Variants in KIF16B observed in about 807,000 individuals in gnomAD.
KIF16B encodes the protein kinesin-like protein KIF16B.
A neutral mutation model predicts 156.3 loss-of-function variants in KIF16B; 98 were observed. That is an observed-to-expected ratio of 0.63 (90% CI 0.53 to 0.74). The LOEUF is 0.74. KIF16B is among the 30% of genes least tolerant of loss of function. The probability of loss-of-function intolerance (pLI) is 0.00; values close to 1 mark genes in which losing one functional copy is unlikely to be tolerated. For missense variants in KIF16B, 1,421 were observed against 1,606.5 expected, an observed-to-expected ratio of 0.88 and a Z score of 1.97; for synonymous variants, 564 against 583.7, an observed-to-expected ratio of 0.97 and a Z score of 0.49.
At position 16,378,973 on chromosome 20, in the gene KIF16B, G is replaced by A; in HGVS notation, c.3029C>T (p.Ala1010Val). The A allele has an allele frequency of 6.2e-7, 1 of 1,614,088 alleles. No homozygotes were observed. Among genetic ancestry groups the A allele is most frequent in the Non-Finnish European group, 8.5e-7 (1 of 1,179,966 alleles). ...CGCAGAATGTCTCCTCTCCAGCCTGGCCAGGGCCCGCTCCAGCGCCTCTCT... is the reference window on the plus strand; with the variant it reads ...CGCAGAATGTCTCCTCTCCAGCCTGACCAGGGCCCGCTCCAGCGCCTCTCT... ...QQREALERAL[A>V]RLERRHSALQ... is the part of the protein sequence containing the mutation. The change falls in exon 19 of 26, where the codon GCC (alanine) becomes GTC (valine). Residue 1010 changes from alanine to valine, a missense_variant. Coordinates refer to ENST00000354981, the MANE Select transcript of KIF16B (RefSeq NM_024704.5).
At chr20:16,419,040 C>T (rs894938225) in intron 15 of KIF16B, among the ~76,000 whole-genome samples, 1 of 152,092 alleles carries the variant, frequency 6.6e-6, no homozygotes, top group Non-Finnish European at 1.5e-5. Context: ...ACTGCAGGGC[C>T]TGATCCCTAG....
intron 24 of KIF16B, among the ~76,000 whole-genome samples, chr20:16,333,192 T>C (rs2063979121): frequency 6.6e-6 from 1 of 152,144 alleles, no homozygotes; most frequent in Non-Finnish European, 1.5e-5. Context: ...GCCTTTGCAC[T>C]TGCTCTTCCC....
intron 23 of KIF16B, among the ~76,000 whole-genome samples, chr20:16,337,503 T>A (rs1297205060): frequency 3.3e-5 from 5 of 151,962 alleles, no homozygotes; most frequent in African/African-American, 1.2e-4. Flanking sequence ...TGTGGCAGGT[T>A]TCTTATGAGT....
chr20:16,473,145 G>A (rs1249050831), intron 12 of KIF16B, among the ~76,000 whole-genome samples: 2 of 152,118 alleles, frequency 1.3e-5, no homozygotes, highest in African/African-American at 4.8e-5. Context: ...CACCAAAACC[G>A]CAAAAGAGCA....
rs933889662 is a variant in KIF16B at position 16,513,611 on chromosome 20, G to A, written c.349-688C>T. Among the ~76,000 whole-genome samples, 5 of 136,968 alleles carry A rather than the reference G, an allele frequency of 3.7e-5. No homozygotes were observed. The East Asian group carries it at 9.7e-4, about 27-fold the overall frequency. 89.9% of individuals were successfully genotyped at this position (136,968 alleles called of 152,430 possible). On this transcript the variant is annotated intron_variant, in intron 4 of 25. Coordinates refer to ENST00000354981, the MANE Select transcript of KIF16B (RefSeq NM_024704.5). The stretch of plus-strand genomic sequence containing the variant: ...GGAGGCAGAGGTTGCAGTGAGCCAA[G>A]ATTGCGCCATTGCATTCCAGCCTAG...
chr20:16,563,901 G>A (rs1465710456), intron 1 of KIF16B, among the ~76,000 whole-genome samples: 1 of 152,022 alleles, frequency 6.6e-6, no homozygotes, highest in Non-Finnish European at 1.5e-5. Context: ...TCACCTAAAA[G>A]AAAGAAAAAA....
chr20:16,389,886 C>T (rs2065322347), intron 17 of KIF16B, among the ~76,000 whole-genome samples: 1 of 152,180 alleles, frequency 6.6e-6, no homozygotes, highest in African/African-American at 2.4e-5. Context: ...CTCAGGTAAA[C>T]TTTCATTAGA....
Position 16,410,020 on chromosome 20 carries a change from TATATATATGTAGGTAC to T in KIF16B, c.1613-3580_1613-3565del, listed in dbSNP as rs1386713244. Among the ~76,000 whole-genome samples, 15 of 108,586 alleles carry T rather than the reference TATATATATGTAGGTAC, an allele frequency of 1.4e-4. 1 individual carries two copies. Among genetic ancestry groups the T allele is most frequent in the East Asian group, 8.0e-4 (2 of 2,492 alleles). 71.2% of individuals were successfully genotyped at this position (108,586 alleles called of 152,430 possible). A position where few individuals can be genotyped will look rare whatever the true frequency, so the allele number is the denominator to read the frequency against. On this transcript the variant is annotated intron_variant, in intron 15 of 25. Coordinates refer to ENST00000354981, the MANE Select transcript of KIF16B (RefSeq NM_024704.5). ...AGGTACATATATATATGTAGGTACA[TATATATATGTAGGTAC>T]ATATATATATGTTGGTACATATATA...
At chr20:16,402,221 T>A (rs2065673764) in intron 17 of KIF16B, among the ~76,000 whole-genome samples, 1 of 152,182 alleles carries the variant, frequency 6.6e-6, no homozygotes, top group Non-Finnish European at 1.5e-5. Context: ...AGACCAAACA[T>A]CCCTTCTTCA....
intron 1 of KIF16B, among the ~76,000 whole-genome samples, chr20:16,553,767 G>A (rs113294391): frequency 2.6e-5 from 4 of 152,210 alleles, no homozygotes; most frequent in Non-Finnish European, 5.9e-5. Flanking sequence ...CTACCAAGAC[G>A]CTGGCTACAG....
rs956864120 is a variant in KIF16B at position 16,461,815 on chromosome 20, A to C, written c.1303-31833T>G. ...AATTAGAGAAGAGACATGAATTGTT[A>C]ATGTTTCTAGTGATTCTCAAGTAAC... is the stretch of plus-strand genomic sequence containing the variant. On this transcript the variant is annotated intron_variant, in intron 12 of 25. Coordinates refer to ENST00000354981, the MANE Select transcript of KIF16B (RefSeq NM_024704.5). Among the ~76,000 whole-genome samples the C allele has an allele frequency of 3.9e-5, 6 of 152,342 alleles. No homozygotes were observed. The Middle Eastern group carries it at 0.01, about 259-fold the overall frequency.
chr20:16,398,787 G>A (rs535258263), intron 17 of KIF16B, among the ~76,000 whole-genome samples: 3 of 152,256 alleles, frequency 2.0e-5, no homozygotes, highest in African/African-American at 7.2e-5. Flanking sequence ...AGTGGGTGAT[G>A]ACTGTTATCA....
At chr20:16,501,694 C>T (rs2068631254) in intron 10 of KIF16B, among the ~76,000 whole-genome samples, 1 of 152,124 alleles carries the variant, frequency 6.6e-6, no homozygotes, top group African/African-American at 2.4e-5. Context: ...CTACATGCAA[C>T]AGCATGGGTG....
At chr20:16,348,301 A>T (rs1332128169) in intron 23 of KIF16B, among the ~76,000 whole-genome samples, 1 of 152,242 alleles carries the variant, frequency 6.6e-6, no homozygotes, top group Non-Finnish European at 1.5e-5. Flanking sequence ...TAAGTAAGGG[A>T]ACAAGTATGG....
At chr20:16,444,671 A>G (rs1228576468) in intron 12 of KIF16B, among the ~76,000 whole-genome samples, 3 of 152,240 alleles carry the variant, frequency 2.0e-5, no homozygotes, top group Non-Finnish European at 2.9e-5. Flanking sequence ...AGTTTTACAC[A>G]GTTACATAAA....
intron 12 of KIF16B, among the ~76,000 whole-genome samples, chr20:16,443,664 A>G (rs983226243): frequency 2.0e-5 from 3 of 152,200 alleles, no homozygotes; most frequent in Admixed American, 2.0e-4. Context: ...CATTATTAAC[A>G]TATCTTTAGC....
At chr20:16,330,533 G>C (rs1300953588) in intron 24 of KIF16B, among the ~76,000 whole-genome samples, 7 of 152,242 alleles carry the variant, frequency 4.6e-5, no homozygotes, top group Middle Eastern at 3.4e-3. Context: ...TGAACCAGAA[G>C]ACATATAGGT....
chr20:16,297,578 C>G (rs779128917), intron 25 of KIF16B, among the ~76,000 whole-genome samples: 13 of 151,924 alleles, frequency 8.6e-5, no homozygotes, highest in Non-Finnish European at 1.2e-4. Context: ...CACCTGTAGT[C>G]CCAGCTTCTT....
chr20:16,458,412 T>C (rs1054650841), intron 12 of KIF16B, among the ~76,000 whole-genome samples: 1 of 152,088 alleles, frequency 6.6e-6, no homozygotes, highest in Non-Finnish European at 1.5e-5. Flanking sequence ...CATTAAGAAA[T>C]CAAATTCTAT....
Sources: gnomAD v4.1 joint callset for allele counts (sites outside exome capture counted in the v4.1 genomes callset) on GRCh38, gnomAD v4.1.1 for gene constraint, MANE v1.5 for transcripts, NCBI Gene and HGNC (gene_info 2026-07-23, HGNC 2026-07-21) for gene names.